Variants in IFNAR2 observed in about 807,000 individuals in gnomAD.
The protein encoded by IFNAR2 is interferon alpha and beta receptor subunit 2.
In IFNAR2, 30 loss-of-function variants were observed where a neutral mutation model predicts 49.4. The observed-to-expected ratio is 0.61, with a 90% confidence interval of 0.45 to 0.82. The LOEUF is 0.82. IFNAR2 is among the 40% of genes least tolerant of loss of function. The pLI, the probability that IFNAR2 is intolerant of heterozygous loss-of-function variation, is 0.00. For missense variants in IFNAR2, 600 were observed against 622.7 expected (o/e 0.96, Z 0.39); for synonymous variants, 224 against 234.5 (o/e 0.96, Z 0.41).
At chr21:33,236,112 G>T (rs1301589537) in intron 1 of IFNAR2, among the ~76,000 whole-genome samples, 1 of 152,120 alleles carries the variant, frequency 6.6e-6, no homozygotes, top group Non-Finnish European at 1.5e-5. Context: ...GCCAGAAGAA[G>T]CAAACTGAAG....
chr21:33,256,577 G>A (rs1002689583), intron 7 of IFNAR2, among the ~76,000 whole-genome samples: 36 of 152,146 alleles, frequency 2.4e-4, no homozygotes, highest in Non-Finnish European at 4.1e-4. Flanking sequence ...ACTGATATGG[G>A]GGGATTTTAG....
intron 1 of IFNAR2, among the ~76,000 whole-genome samples, chr21:33,238,229 T>A (rs1374248565): frequency 6.6e-6 from 1 of 152,220 alleles, no homozygotes; most frequent in Non-Finnish European, 1.5e-5. Context: ...CTCCTGGCAG[T>A]CAACTCGTCT....
chr21:33,236,457 A>T (rs1986465370), intron 1 of IFNAR2, among the ~76,000 whole-genome samples: 1 of 152,156 alleles, frequency 6.6e-6, no homozygotes, highest in African/African-American at 2.4e-5. Context: ...TATGCTAGGT[A>T]CCTGGGTCAA....
intron 3 of IFNAR2, 43 bp from the exon 4 acceptor site, chr21:33,244,907 CT>C: frequency 1.2e-6 from 2 of 1,604,772 alleles, no homozygotes; most frequent in Non-Finnish European, 1.7e-6. Flanking sequence ...CAGAATACAA[CT>C]GTGGGTTCCA....
intron 5 of IFNAR2, among the ~76,000 whole-genome samples, chr21:33,247,171 A>AAGTCTGGAGCC (rs989891653): frequency 8.6e-5 from 13 of 151,724 alleles, no homozygotes; most frequent in Non-Finnish European, 1.8e-4. Context: ...GCCTGACAGG[A>AAGTCTGGAGCC]AGTCTGGAGC....
chr21:33,256,151 G>A (rs1988195008), intron 7 of IFNAR2, among the ~76,000 whole-genome samples: 1 of 152,196 alleles, frequency 6.6e-6, no homozygotes, highest in African/African-American at 2.4e-5. Flanking sequence ...GCTCCTTGGA[G>A]GTTGATGAAT....
At chr21:33,250,420 C>G (rs1362945920) in intron 6 of IFNAR2, among the ~76,000 whole-genome samples, 1 of 151,798 alleles carries the variant, frequency 6.6e-6, no homozygotes, top group African/African-American at 2.4e-5. Flanking sequence ...GCCTTTAAAT[C>G]CAGAAAAAAA....
At chr21:33,262,576 A>G in intron 8 of IFNAR2, 1 of 722,608 alleles carries the variant, frequency 1.4e-6, no homozygotes, top group Non-Finnish European at 2.5e-6. Flanking sequence ...AGGTCTCGCT[A>G]AGGGCTGGAA....
intron 1 of IFNAR2, among the ~76,000 whole-genome samples, chr21:33,240,027 A>G (rs746519558): frequency 1.1e-4 from 17 of 150,342 alleles, no homozygotes; most frequent in Non-Finnish European, 2.1e-4. Context: ...ACAGCCCTCA[A>G]TGTTGTGAGC....
intron 2 of IFNAR2, among the ~76,000 whole-genome samples, chr21:33,242,977 C>A (rs1009302823): frequency 6.6e-6 from 1 of 150,908 alleles, no homozygotes; most frequent in Non-Finnish European, 1.5e-5. Context: ...TTAGTAGAGA[C>A]AAGGTTTCAC....
chr21:33,252,485 A>G, intron 6 of IFNAR2, 177 bp from the exon 7 acceptor site: 1 of 985,298 alleles, frequency 1.0e-6, no homozygotes. Flanking sequence ...TTAAAAGTGC[A>G]TGTAGGTGTA....
chr21:33,252,467 G>A lies in IFNAR2; in HGVS notation c.541-195G>A, dbSNP rs980888935. 1.5e-5 allele frequency: 15 copies of A among 984,966 alleles called. No homozygotes were observed. In the African/African-American group the frequency reaches 2.4e-4, roughly 16 times the overall value. 61.0% of individuals were successfully genotyped at this position (984,966 alleles called of 1,614,324 possible). ...TGGTTATAAAATATGTGTGTGTGCA[G>A]GTGTATATTAAAAGTGCATGTAGGT... On this transcript the variant is annotated intron_variant, in intron 6 of 8. Transcript: ENST00000342136.
chr21:33,248,453 A>G (rs2123490732), intron 5 of IFNAR2, among the ~76,000 whole-genome samples: 1 of 152,304 alleles, frequency 6.6e-6, no homozygotes, highest in East Asian at 1.9e-4. Context: ...GACAAATGCA[A>G]AAATTTAGTT....
In IFNAR2 at chr21:33,229,943, G is replaced by A. The variant is rs937077558; in HGVS notation, c.-357G>A. 1 of 983,430 alleles carries A rather than the reference G, an allele frequency of 1.0e-6. No individual in the cohort carries two copies. The highest frequency in any genetic ancestry group is 1.2e-6 in the Non-Finnish European group (1 of 829,262). The allele number at this position is 983,430 out of a possible 1,614,324, so 60.9% of individuals were successfully genotyped here. On this transcript the variant is annotated 5_prime_UTR_variant, in exon 1 of 9. Coordinates refer to ENST00000342136, the MANE Select transcript of IFNAR2 (RefSeq NM_001289125.3). ...GGCGCGGCGCCCGCGCTTCCGTATC[G>A]CTCCTCGTAGGCCGGGGCTCGGCGC... is the stretch of plus-strand genomic sequence containing the variant.
chr21:33,239,450 ATGT>A (rs1986743850), intron 1 of IFNAR2, among the ~76,000 whole-genome samples: 1 of 152,308 alleles, frequency 6.6e-6, no homozygotes, highest in East Asian at 1.9e-4. Flanking sequence ...ACAGCCATCA[ATGT>A]TGTGAGCTAC....
At chr21:33,237,191 G>A (rs1042679488) in intron 1 of IFNAR2, among the ~76,000 whole-genome samples, 3 of 151,736 alleles carry the variant, frequency 2.0e-5, no homozygotes, top group Non-Finnish European at 4.4e-5. Flanking sequence ...AGACAAATGG[G>A]GACCAGAGGC....
chr21:33,235,593 A>T (rs531809583), intron 1 of IFNAR2, among the ~76,000 whole-genome samples: 1 of 152,146 alleles, frequency 6.6e-6, no homozygotes, highest in African/African-American at 2.4e-5. Flanking sequence ...CTCTCTCTCA[A>T]CACGTAATGT....
At chr21:33,245,205 T>C (rs1987311078) in intron 4 of IFNAR2, 131 bp downstream of exon 4, 4 of 677,124 alleles carry the variant, frequency 5.9e-6, no homozygotes, top group Admixed American at 2.8e-5. Context: ...TCTGCGTTTC[T>C]TATTCAGAGC....
chr21:33,240,976 T>C (rs1986878101), intron 1 of IFNAR2, among the ~76,000 whole-genome samples: 3 of 152,120 alleles, frequency 2.0e-5, no homozygotes, highest in Admixed American at 2.0e-4. Context: ...GTGGGAGCTA[T>C]TAATAAAAAA....
Sources: gnomAD v4.1 joint callset for allele counts (sites outside exome capture counted in the v4.1 genomes callset) on GRCh38, gnomAD v4.1.1 for gene constraint, MANE v1.5 for transcripts, NCBI Gene and HGNC (gene_info 2026-07-23, HGNC 2026-07-21) for gene names.